The following ADGRV1 variants were observed in gnomAD, a reference collection of about 807,000 sequenced individuals.
ADGRV1 encodes adhesion G protein-coupled receptor V1, also known as G-protein coupled receptor 98.
ADGRV1 carries 359 observed loss-of-function variants against 596.2 expected under a neutral mutation model. The observed-to-expected ratio is 0.60, with a 90% CI of 0.55 to 0.66. ADGRV1 has a LOEUF of 0.66. Among genes scored for constraint, ADGRV1 ranks in the 30% least tolerant of loss-of-function variants. The probability of loss-of-function intolerance (pLI) is 0.00; values close to 1 mark genes in which losing one functional copy is unlikely to be tolerated. For synonymous variants in ADGRV1, 2,681 were observed against 2,679.2 expected (o/e 1.00, Z -0.02); for missense variants, 7,274 against 7,575.6 (o/e 0.96, Z 1.48).
At chr5:90,980,278 T>A (rs1229551856) in intron 84 of ADGRV1, among the ~76,000 whole-genome samples, 4 of 152,198 alleles carry the variant, frequency 2.6e-5, no homozygotes, top group Non-Finnish European at 4.4e-5. Flanking sequence ...GCTAAAAAAA[T>A]TTTCATTTAA....
At chr5:91,040,822 G>A (rs142662777) in intron 85 of ADGRV1, among the ~76,000 whole-genome samples, 1 of 152,256 alleles carries the variant, frequency 6.6e-6, no homozygotes, top group East Asian at 1.9e-4. Flanking sequence ...AAGTTATACT[G>A]AATACAAAGG....
chr5:90,985,927 C>T (rs1780455106), intron 85 of ADGRV1, among the ~76,000 whole-genome samples: 1 of 151,930 alleles, frequency 6.6e-6, no homozygotes, highest in South Asian at 2.1e-4. Flanking sequence ...CCCATAAGAT[C>T]CCTGAATACT....
intron 87 of ADGRV1, 119 bp downstream of exon 87, chr5:91,102,459 A>T: frequency 1.3e-6 from 1 of 783,738 alleles, no homozygotes; most frequent in South Asian, 2.7e-5. Context: ...ACATAATAAC[A>T]TCATATAGAG....
At chr5:91,095,760 G>C (rs1428102315) in intron 86 of ADGRV1, among the ~76,000 whole-genome samples, 1 of 151,972 alleles carries the variant, frequency 6.6e-6, no homozygotes. Flanking sequence ...CCTACTGTTG[G>C]AAATAGATCC....
chr5:91,012,881 C>T (rs1782838988), intron 85 of ADGRV1, among the ~76,000 whole-genome samples: 2 of 151,910 alleles, frequency 1.3e-5, no homozygotes, highest in South Asian at 4.1e-4. Context: ...CTCCCACCTC[C>T]ACCTTCAAGT....
rs138328798 is a variant in ADGRV1 at position 90,696,779 on chromosome 5, T to TAC, written c.7946-157_7946-156insCA. Among the ~76,000 whole-genome samples, 8,671 of 152,110 alleles carry TAC rather than the reference T, an allele frequency of 0.057. 356 individuals are homozygous for TAC. The highest frequency in any genetic ancestry group is 0.13 in the South Asian group (631 of 4,820). ...ATATGTGAAAAGATATATATATATATAATTAAAATTTGCTTATGTTGCCCA... is the reference window on the plus strand; with the variant it reads ...ATATGTGAAAAGATATATATATATATACAATTAAAATTTGCTTATGTTGCCCA... On this transcript the variant is annotated intron_variant, in intron 33 of 89. Coordinates refer to ENST00000405460, the MANE Select transcript of ADGRV1 (RefSeq NM_032119.4).
At chr5:90,977,893 C>T (rs1166191663) in intron 84 of ADGRV1, among the ~76,000 whole-genome samples, 1 of 152,154 alleles carries the variant, frequency 6.6e-6, no homozygotes, top group East Asian at 1.9e-4. Flanking sequence ...ATACTTCTCC[C>T]ATCCTCCGTT....
chr5:90,778,883 C>G lies in ADGRV1; in HGVS notation c.12868C>G (p.Arg4290Gly). Residue 4290 changes from arginine (R) to glycine (G), a missense_variant, in exon 64 of 90, where the codon CGT becomes GGT. Coordinates refer to ENST00000405460, the MANE Select transcript of ADGRV1 (RefSeq NM_032119.4). ...EAQRVNITIIRSSGDFGHVRL... is the reference protein window; with the variant it reads ...EAQRVNITIIGSSGDFGHVRL... ...TGCATAGGTTAACATCACAATCATCCGTTCCAGTGGAGATTTTGGCCATGT... is the reference window on the plus strand; with the variant it reads ...TGCATAGGTTAACATCACAATCATCGGTTCCAGTGGAGATTTTGGCCATGT... 1 of 1,611,494 alleles carries G rather than the reference C, an allele frequency of 6.2e-7. No homozygotes were observed. The highest frequency in any genetic ancestry group is 8.5e-7 in the Non-Finnish European group (1 of 1,178,150).
chr5:90,892,170 T>A (rs987810549), intron 83 of ADGRV1, among the ~76,000 whole-genome samples: 8 of 152,094 alleles, frequency 5.3e-5, no homozygotes, highest in Middle Eastern at 3.2e-3. Flanking sequence ...CTCTCAATGT[T>A]GCAAAATTTC....
At chr5:90,899,024 C>T (rs6886778) in intron 83 of ADGRV1, among the ~76,000 whole-genome samples, 1 of 152,018 alleles carries the variant, frequency 6.6e-6, no homozygotes, top group Non-Finnish European at 1.5e-5. Flanking sequence ...GGATGTGGCA[C>T]TCATTCTTGG....
In ADGRV1 at chr5:91,072,553, C is replaced by T. The variant is rs755219331; in HGVS notation, c.18259C>T (p.Pro6087Ser). ...VVFIHAYQVK[P>S]QWKAYDDVFR... ...GTTCATCCATGCCTACCAGGTGAAG[C>T]CACAGTGGAAAGCATATGATGATGT... The change falls in exon 86 of 90, where the codon CCA (proline) becomes TCA (serine). Residue 6087 changes from proline to serine, a missense_variant. This residue lies in a region of ADGRV1 where 1,874 missense variants were observed against 1,970.2 expected (regional missense o/e 0.95). Transcript: ENST00000405460. The T allele has an allele frequency of 1.9e-6, 3 of 1,613,794 alleles. No individual in the cohort carries two copies. The highest frequency in any genetic ancestry group is 2.5e-6 in the Non-Finnish European group (3 of 1,179,750).
At chr5:91,026,295 C>T (rs1333812299) in intron 85 of ADGRV1, among the ~76,000 whole-genome samples, 1 of 152,074 alleles carries the variant, frequency 6.6e-6, no homozygotes, top group African/African-American at 2.4e-5. Flanking sequence ...TTCATTTGAG[C>T]AAGGCATAAA....
chr5:90,608,072 A>G (rs1762316130), intron 1 of ADGRV1, among the ~76,000 whole-genome samples: 2 of 152,182 alleles, frequency 1.3e-5, no homozygotes, highest in African/African-American at 4.8e-5. Context: ...ATTTAAAAAT[A>G]GTAGGATAAT....
intron 9 of ADGRV1, among the ~76,000 whole-genome samples, chr5:90,632,433 GT>G (rs1427728543): frequency 1.3e-5 from 2 of 152,082 alleles, no homozygotes; most frequent in Non-Finnish European, 2.9e-5. Flanking sequence ...CTCAAAACTA[GT>G]TTTTACTGTG....
chr5:91,077,422 T>TA (rs1195538426), intron 86 of ADGRV1, among the ~76,000 whole-genome samples: 1 of 152,246 alleles, frequency 6.6e-6, no homozygotes, highest in African/African-American at 2.4e-5. Flanking sequence ...TGAATACAAG[T>TA]AACCATCCCT....
At chr5:90,926,253 A>T (rs1424214035) in intron 83 of ADGRV1, among the ~76,000 whole-genome samples, 1 of 152,058 alleles carries the variant, frequency 6.6e-6, no homozygotes, top group Admixed American at 6.5e-5. Flanking sequence ...CTGTGAATCC[A>T]TCTGGTCCTG....
intron 83 of ADGRV1, among the ~76,000 whole-genome samples, chr5:90,864,234 A>G (rs1261015594): frequency 6.6e-6 from 1 of 152,176 alleles, no homozygotes. Flanking sequence ...AGATGATATA[A>G]ACTTTTAAAG....
intron 67 of ADGRV1, among the ~76,000 whole-genome samples, chr5:90,787,735 C>T (rs573451355): frequency 9.2e-5 from 14 of 151,534 alleles, no homozygotes; most frequent in East Asian, 7.8e-4. Flanking sequence ...GAATTACAGG[C>T]GCCTGCCACC....
chr5:90,855,928 G>A (rs1471221958), intron 82 of ADGRV1, 27 bp downstream of exon 82: 2 of 1,546,868 alleles, frequency 1.3e-6, no homozygotes, highest in Non-Finnish European at 1.8e-6. Context: ...TTGAATCAAT[G>A]GTTATAAATA....
Sources: gnomAD v4.1 joint callset for allele counts (sites outside exome capture counted in the v4.1 genomes callset) on GRCh38, gnomAD v4.1.1 for gene constraint, gnomAD v4.1.1 regional missense constraint, MANE v1.5 for transcripts, NCBI Gene and HGNC (gene_info 2026-07-23, HGNC 2026-07-21) for gene names.